REDIC1: variants seen among roughly 807,000 people sequenced by gnomAD.
The protein encoded by REDIC1 is HEI10 Interacting Protein 1.
the REDIC1 span, among the ~76,000 whole-genome samples, chr12:39,712,360 ACATACAT>A: frequency 2.9e-5 from 4 of 139,896 alleles, no homozygotes; most frequent in Non-Finnish European, 6.3e-5. Flanking sequence ...ATACATACAT[ACATACAT>A]ATGTATATAT....
the REDIC1 span, among the ~76,000 whole-genome samples, chr12:39,840,250 G>A: frequency 5.5e-4 from 84 of 151,760 alleles, no homozygotes; most frequent in African/African-American, 2.0e-3. Flanking sequence ...CAGCCACCAC[G>A]CCCAGCCTTG....
the REDIC1 span, among the ~76,000 whole-genome samples, chr12:39,632,156 G>A: frequency 1.3e-5 from 2 of 151,724 alleles, no homozygotes; most frequent in Non-Finnish European, 2.9e-5. Context: ...GAGTGCACTG[G>A]TGCCATCTCG....
chr12:39,897,019 A>G, the REDIC1 span, among the ~76,000 whole-genome samples: 5 of 152,188 alleles, frequency 3.3e-5, no homozygotes. Flanking sequence ...ACTGAGGAAG[A>G]GACCAACAAG....
the REDIC1 span, among the ~76,000 whole-genome samples, chr12:39,656,123 G>A: frequency 6.6e-6 from 1 of 152,140 alleles, no homozygotes; most frequent in Non-Finnish European, 1.5e-5. Flanking sequence ...CAGTCTTCAT[G>A]AGGAATATTA....
chr12:39,707,430 C>T, the REDIC1 span, among the ~76,000 whole-genome samples: 4 of 151,876 alleles, frequency 2.6e-5, no homozygotes, highest in African/African-American at 9.7e-5. Context: ...TTAGTACAAC[C>T]ACTATGGAGA....
At chr12:39,686,448 G>A in the REDIC1 span, among the ~76,000 whole-genome samples, 8 of 152,180 alleles carry the variant, frequency 5.3e-5, no homozygotes, top group East Asian at 1.5e-3. Flanking sequence ...GCTGTACATG[G>A]GCCCCTTTGA....
chr12:39,878,990 C>T, the REDIC1 span, among the ~76,000 whole-genome samples: 2 of 152,264 alleles, frequency 1.3e-5, no homozygotes, highest in African/African-American at 2.4e-5. Context: ...TCCCCACATA[C>T]TGGCCTCTCC....
chr12:39,901,507 C>T, the REDIC1 span, among the ~76,000 whole-genome samples: 1 of 137,200 alleles, frequency 7.3e-6, no homozygotes, highest in Non-Finnish European at 1.6e-5. Flanking sequence ...AAAAAACAAA[C>T]AACCCCATCA....
the REDIC1 span, chr12:39,626,351 G>A: frequency 6.2e-7 from 1 of 1,614,148 alleles, no homozygotes; most frequent in Non-Finnish European, 8.5e-7. Flanking sequence ...ATTGGGTCGG[G>A]GGGTCCCGGT....
chr12:39,829,098 T>C, the REDIC1 span, among the ~76,000 whole-genome samples: 2 of 152,104 alleles, frequency 1.3e-5, no homozygotes, highest in African/African-American at 2.4e-5. Flanking sequence ...TATTCTTTTA[T>C]AGGAATTTAA....
the REDIC1 span, chr12:39,641,020 G>T: frequency 1.3e-6 from 2 of 1,594,828 alleles, no homozygotes; most frequent in East Asian, 4.5e-5. Context: ...TTTTATTTTT[G>T]TCAGCCTTAT....
the REDIC1 span, among the ~76,000 whole-genome samples, chr12:39,634,338 C>A: frequency 6.6e-6 from 1 of 151,876 alleles, no homozygotes; most frequent in Non-Finnish European, 1.5e-5. Flanking sequence ...TGGGCTGAGA[C>A]GATTGGGTTT....
the REDIC1 span, among the ~76,000 whole-genome samples, chr12:39,842,547 A>G: frequency 6.6e-6 from 1 of 152,062 alleles, no homozygotes; most frequent in Non-Finnish European, 1.5e-5. Flanking sequence ...TACACTCCCC[A>G]GTAAAATGGA....
the REDIC1 span, chr12:39,745,777 T>C: frequency 1.3e-5 from 2 of 152,272 alleles, no homozygotes; most frequent in African/African-American, 2.4e-5. Context: ...AGCTATGCTA[T>C]GCAGAGGTTC....
the REDIC1 span, among the ~76,000 whole-genome samples, chr12:39,821,012 T>C: frequency 6.6e-6 from 1 of 152,086 alleles, no homozygotes; most frequent in Non-Finnish European, 1.5e-5. Flanking sequence ...CCTACTGCAC[T>C]GCTCCCCAAA....
chr12:39,895,416 G>T, the REDIC1 span, among the ~76,000 whole-genome samples: 1 of 148,370 alleles, frequency 6.7e-6, no homozygotes, highest in Non-Finnish European at 1.5e-5. Context: ...CCTGAACCTG[G>T]GAGGTGGAGC....
chr12:39,741,780 G>T, the REDIC1 span, among the ~76,000 whole-genome samples: 1 of 152,150 alleles, frequency 6.6e-6, no homozygotes, highest in East Asian at 1.9e-4. Context: ...TCTTTAATTT[G>T]TAATTGGTTA....
the REDIC1 span, among the ~76,000 whole-genome samples, chr12:39,679,544 A>T: frequency 6.6e-6 from 1 of 152,218 alleles, no homozygotes; most frequent in Non-Finnish European, 1.5e-5. Flanking sequence ...GTGTAGAATT[A>T]ATACTGTAAA....
At chr12:39,782,778 G>A in the REDIC1 span, among the ~76,000 whole-genome samples, 1 of 152,184 alleles carries the variant, frequency 6.6e-6, no homozygotes. Context: ...AATACAGATA[G>A]TGATATGAAC....
Sources: gnomAD v4.1 joint callset for allele counts (sites outside exome capture counted in the v4.1 genomes callset) on GRCh38, gnomAD v4.1.1 for gene constraint, MANE v1.5 for transcripts, NCBI Gene and HGNC (gene_info 2026-07-23, HGNC 2026-07-21) for gene names.